PAX3: variants seen among roughly 807,000 people sequenced by gnomAD.
The protein encoded by PAX3 is paired box protein Pax-3.
In PAX3, 14 loss-of-function variants were observed where a neutral mutation model predicts 51.6. The ratio of observed to expected loss-of-function variants is 0.27; its 90% CI spans 0.18 to 0.42. The LOEUF (loss-of-function observed/expected upper bound fraction) is 0.42. Among genes scored for constraint, PAX3 ranks in the 10% least tolerant of loss-of-function variants. PAX3 has a pLI of 1.00. For missense variants in PAX3, 540 were observed against 642.8 expected (o/e 0.84, Z 1.73); for synonymous variants, 280 against 253.4 (o/e 1.11, Z -1.00).
At chr2:222,264,876 A>T (rs1693987344) in intron 4 of PAX3, 2 of 152,210 alleles carry the variant, frequency 1.3e-5, no homozygotes, top group Admixed American at 6.5e-5. Flanking sequence ...CCATGTGACC[A>T]TTCCATACCT....
At chr2:222,230,576 G>T (rs1432272362) in intron 5 of PAX3, among the ~76,000 whole-genome samples, 1 of 152,044 alleles carries the variant, frequency 6.6e-6, no homozygotes, top group Non-Finnish European at 1.5e-5. Flanking sequence ...TTAAAAAAAG[G>T]TTGGGCATGG....
At chr2:222,242,040 G>A (rs570139822) in intron 4 of PAX3, among the ~76,000 whole-genome samples, 9 of 152,266 alleles carry the variant, frequency 5.9e-5, no homozygotes, top group African/African-American at 1.7e-4. Flanking sequence ...TAAAGTCATT[G>A]TTTCTAGCCA....
Position 222,298,885 on chromosome 2 carries a change from T to G in PAX3, c.-270A>C. ...AGTTTGGTACGAGTCTGGGCAAATG[T>G]TCCAGCGACTGGGGTCCCTGAAAAG... On this transcript the variant is annotated 5_prime_UTR_variant, in exon 1 of 9. Coordinates refer to ENST00000392070, the MANE Select transcript of PAX3 (RefSeq NM_181458.4). The G allele has an allele frequency of 3.6e-6, 2 of 548,648 alleles. No homozygotes were observed. Among genetic ancestry groups the G allele is most frequent in the African/African-American group, 1.9e-5 (1 of 53,038 alleles). 34.0% of individuals were successfully genotyped at this position (548,648 alleles called of 1,614,324 possible).
chr2:222,255,120 G>A (rs1693590572), intron 4 of PAX3, among the ~76,000 whole-genome samples: 1 of 152,222 alleles, frequency 6.6e-6, no homozygotes, highest in Non-Finnish European at 1.5e-5. Flanking sequence ...GGCAGGGCAA[G>A]TTGCAGCATT....
At chr2:222,291,279 G>GA (rs1256232270) in intron 4 of PAX3, among the ~76,000 whole-genome samples, 1 of 152,174 alleles carries the variant, frequency 6.6e-6, no homozygotes, top group Non-Finnish European at 1.5e-5. Context: ...GGGCTAGGGG[G>GA]ATTGGGGATA....
intron 7 of PAX3, 74 bp from the exon 8 acceptor site, chr2:222,202,264 A>T: frequency 9.0e-7 from 1 of 1,114,634 alleles, no homozygotes; most frequent in Non-Finnish European, 1.3e-6. Context: ...CTGAAAGAAT[A>T]ACTTGACAGT....
chr2:222,289,450 C>G (rs1417843491), intron 4 of PAX3, among the ~76,000 whole-genome samples: 1 of 152,152 alleles, frequency 6.6e-6, no homozygotes, highest in African/African-American at 2.4e-5. Flanking sequence ...TCGCCTGAAC[C>G]GCCGCGCGCT....
At chr2:222,294,542 A>G (rs1231830210) in intron 3 of PAX3, among the ~76,000 whole-genome samples, 1 of 152,032 alleles carries the variant, frequency 6.6e-6, no homozygotes, top group Non-Finnish European at 1.5e-5. Context: ...GGAGGCTGGG[A>G]AAACCGTGCC....
At chr2:222,260,277 A>G (rs866493392) in intron 4 of PAX3, among the ~76,000 whole-genome samples, 1 of 152,164 alleles carries the variant, frequency 6.6e-6, no homozygotes, top group South Asian at 2.1e-4. Context: ...TAGAAAAATA[A>G]GAATTGCTTG....
At chr2:222,203,282 C>T (rs1473462391) in intron 7 of PAX3, among the ~76,000 whole-genome samples, 1 of 151,580 alleles carries the variant, frequency 6.6e-6, no homozygotes, top group Non-Finnish European at 1.5e-5. Context: ...GGAAAACTGC[C>T]ACACGAGAGA....
chr2:222,242,778 A>G (rs1000489842), intron 4 of PAX3: 1 of 152,230 alleles, frequency 6.6e-6, no homozygotes, highest in Admixed American at 6.5e-5. Flanking sequence ...CTGTACAGTT[A>G]CCAAGAAAGA....
intron 5 of PAX3, among the ~76,000 whole-genome samples, chr2:222,228,119 T>C (rs1253918962): frequency 1.3e-5 from 2 of 152,188 alleles, no homozygotes; most frequent in Admixed American, 6.5e-5. Flanking sequence ...GGCATTTTAA[T>C]CAGTGATTAA....
chr2:222,207,307 C>T (rs1333335155), intron 7 of PAX3, among the ~76,000 whole-genome samples: 1 of 152,156 alleles, frequency 6.6e-6, no homozygotes, highest in Non-Finnish European at 1.5e-5. Context: ...AGTTGATTAG[C>T]ATCTAAATAA....
chr2:222,268,821 T>C (rs1430989626), intron 4 of PAX3, among the ~76,000 whole-genome samples: 1 of 152,166 alleles, frequency 6.6e-6, no homozygotes, highest in Non-Finnish European at 1.5e-5. Flanking sequence ...TTCTCCAGCA[T>C]GCTAATGTTT....
At chr2:222,245,911 G>A (rs981851653) in intron 4 of PAX3, among the ~76,000 whole-genome samples, 6 of 152,138 alleles carry the variant, frequency 3.9e-5, no homozygotes, top group Non-Finnish European at 7.3e-5. Flanking sequence ...CACTCTGGAG[G>A]CAGAGGTTGC....
chr2:222,253,095 T>C (rs1346441435), intron 4 of PAX3, among the ~76,000 whole-genome samples: 3 of 152,148 alleles, frequency 2.0e-5, no homozygotes, highest in Non-Finnish European at 2.9e-5. Flanking sequence ...GCTTACCTAC[T>C]TAGTAAACAA....
At chr2:222,215,559 G>A (rs1253214967) in intron 7 of PAX3, among the ~76,000 whole-genome samples, 3 of 152,026 alleles carry the variant, frequency 2.0e-5, no homozygotes, top group African/African-American at 7.3e-5. Flanking sequence ...GTTTGGCTAT[G>A]TGTGTCTTGG....
intron 5 of PAX3, among the ~76,000 whole-genome samples, chr2:222,231,441 C>T (rs1208272219): frequency 6.6e-6 from 1 of 152,156 alleles, no homozygotes; most frequent in Non-Finnish European, 1.5e-5. Context: ...TTCAGAGCAC[C>T]TCTAAGAGTT....
intron 1 of PAX3, among the ~76,000 whole-genome samples, chr2:222,297,457 C>T (rs1368356292): frequency 6.6e-6 from 1 of 152,204 alleles, no homozygotes; most frequent in Non-Finnish European, 1.5e-5. Context: ...ATAATTCTCC[C>T]CAGAGAAAGC....
Sources: allele counts gnomAD v4.1 joint callset (sites outside exome capture counted in the v4.1 genomes callset), GRCh38; gene constraint gnomAD v4.1.1; transcripts MANE v1.5; gene names NCBI Gene and HGNC (gene_info 2026-07-23, HGNC 2026-07-21).